Variants in CDKAL1 observed in about 807,000 individuals in gnomAD.
CDKAL1 encodes CDKAL1 threonylcarbamoyladenosine tRNA methylthiotransferase, also known as threonylcarbamoyladenosine tRNA methylthiotransferase.
CDKAL1 carries 32 observed loss-of-function variants against 68.2 expected under a neutral mutation model. The observed-to-expected ratio is 0.47, with a 90% CI of 0.35 to 0.63. The LOEUF (loss-of-function observed/expected upper bound fraction) is 0.63, where lower values mean the gene tolerates loss of function less well. CDKAL1 is among the 30% of genes least tolerant of loss of function. CDKAL1 has a pLI of 0.00. For missense variants in CDKAL1, 606 were observed against 696.7 expected, an observed-to-expected ratio of 0.87 and a Z score of 1.47; for synonymous variants, 234 against 244.3, an observed-to-expected ratio of 0.96 and a Z score of 0.39.
chr6:21,220,622 A>G (rs1170653760), intron 15 of CDKAL1, among the ~76,000 whole-genome samples: 1 of 152,208 alleles, frequency 6.6e-6, no homozygotes, highest in African/African-American at 2.4e-5. Context: ...ATTTTGGTAA[A>G]TGTAACAAGC....
chr6:21,113,383 A>G (rs1386067183), intron 13 of CDKAL1, among the ~76,000 whole-genome samples: 1 of 152,146 alleles, frequency 6.6e-6, no homozygotes, highest in Non-Finnish European at 1.5e-5. Flanking sequence ...ATGGTGGCTC[A>G]TGCCTATAAT....
chr6:20,733,659 A>G (rs1182737347), intron 5 of CDKAL1, among the ~76,000 whole-genome samples: 7 of 152,278 alleles, frequency 4.6e-5, no homozygotes, highest in South Asian at 2.1e-4. Context: ...GTTGAATGCA[A>G]TAAGGTTTTT....
intron 4 of CDKAL1, among the ~76,000 whole-genome samples, chr6:20,627,313 A>C (rs1031037337): frequency 2.6e-5 from 4 of 152,184 alleles, no homozygotes; most frequent in Non-Finnish European, 4.4e-5. Context: ...CCTTTAGAAA[A>C]GGGGAGAATT....
At chr6:20,579,614 G>A (rs554761016) in intron 4 of CDKAL1, among the ~76,000 whole-genome samples, 2 of 152,234 alleles carry the variant, frequency 1.3e-5, no homozygotes, top group Admixed American at 6.5e-5. Context: ...GATGTAATAC[G>A]AAGTTAAAGA....
intron 12 of CDKAL1, among the ~76,000 whole-genome samples, chr6:21,079,996 G>A (rs1337755420): frequency 1.3e-5 from 2 of 151,258 alleles, no homozygotes; most frequent in Non-Finnish European, 3.0e-5. Flanking sequence ...GTGTGTGTGT[G>A]TGTGTGTGTG....
At chr6:21,048,167 AC>A (rs1469896841) in intron 11 of CDKAL1, among the ~76,000 whole-genome samples, 1 of 152,196 alleles carries the variant, frequency 6.6e-6, no homozygotes, top group Non-Finnish European at 1.5e-5. Flanking sequence ...TGCAACTGTC[AC>A]AACTACATTC....
intron 13 of CDKAL1, among the ~76,000 whole-genome samples, chr6:21,149,924 C>G (rs1481166103): frequency 6.6e-6 from 1 of 152,140 alleles, no homozygotes; most frequent in Admixed American, 6.5e-5. Context: ...GTGGCGCTGT[C>G]TCGGCTCAGT....
chr6:20,840,340 A>G (rs1162042810), intron 8 of CDKAL1, among the ~76,000 whole-genome samples: 1 of 152,232 alleles, frequency 6.6e-6, no homozygotes, highest in Non-Finnish European at 1.5e-5. Context: ...GGTGATAAGT[A>G]TAATTCTTTC....
chr6:20,866,827 C>G (rs918884773), intron 9 of CDKAL1, among the ~76,000 whole-genome samples: 1 of 152,180 alleles, frequency 6.6e-6, no homozygotes, highest in African/African-American at 2.4e-5. Context: ...ATTCCTGAAG[C>G]AGCGAGGGAT....
chr6:20,929,265 A>G (rs1028547916), intron 9 of CDKAL1, among the ~76,000 whole-genome samples: 21 of 152,198 alleles, frequency 1.4e-4, no homozygotes, highest in African/African-American at 5.1e-4. Context: ...TTGTCAGCTC[A>G]GTTTTTTTGG....
intron 10 of CDKAL1, among the ~76,000 whole-genome samples, chr6:20,969,036 G>A (rs56247251): frequency 0.093 from 14,093 of 152,030 alleles, 1,101 homozygotes; most frequent in African/African-American, 0.22. Context: ...ATAATATAAC[G>A]TGGCAGCTCT....
At chr6:21,070,518 C>T (rs1771719158) in intron 12 of CDKAL1, among the ~76,000 whole-genome samples, 1 of 151,612 alleles carries the variant, frequency 6.6e-6, no homozygotes, top group African/African-American at 2.4e-5. Flanking sequence ...CCCTGCTCTA[C>T]CTTAGCCTCT....
At chr6:21,196,953 T>C (rs1266142814) in intron 13 of CDKAL1, among the ~76,000 whole-genome samples, 13 of 151,778 alleles carry the variant, frequency 8.6e-5, no homozygotes, top group Non-Finnish European at 1.9e-4. Flanking sequence ...AGGTCAGGAG[T>C]TCGAGACCAG....
intron 9 of CDKAL1, among the ~76,000 whole-genome samples, chr6:20,853,679 A>G (rs2150509341): frequency 6.6e-6 from 1 of 152,350 alleles, no homozygotes. Flanking sequence ...CATAACCCTA[A>G]CAATTACATC....
intron 9 of CDKAL1, among the ~76,000 whole-genome samples, chr6:20,922,234 A>G (rs1762990266): frequency 6.6e-6 from 1 of 152,238 alleles, no homozygotes; most frequent in African/African-American, 2.4e-5. Context: ...GGTCTACTGC[A>G]CTTCCATAAT....
At chr6:20,581,003 G>A (rs543977886) in intron 4 of CDKAL1, among the ~76,000 whole-genome samples, 68 of 152,226 alleles carry the variant, frequency 4.5e-4, no homozygotes, top group African/African-American at 1.5e-3. Context: ...TGGTCAGGCT[G>A]GTTTCGAACT....
intron 11 of CDKAL1, among the ~76,000 whole-genome samples, chr6:21,049,901 A>T (rs1770450217): frequency 6.6e-6 from 1 of 151,528 alleles, no homozygotes; most frequent in South Asian, 2.1e-4. Context: ...AGTTTTTACC[A>T]CAAGTATTTA....
At position 21,038,854 on chromosome 6, in the gene CDKAL1, A is replaced by G. The variant is rs184802121; in HGVS notation, c.1056-26194A>G. Among the ~76,000 whole-genome samples, 3 of 152,310 alleles carry G rather than the reference A, an allele frequency of 2.0e-5. No homozygotes were observed. In the East Asian group the frequency reaches 5.8e-4, roughly 29 times the overall value. On this transcript the variant is annotated intron_variant, in intron 11 of 15. Transcript: ENST00000274695. ...GCTTTTTTCAGTTGTCCATTTATTTAATTTTTACTTTTCTCATCTATGAAT... is the reference window on the plus strand; with the variant it reads ...GCTTTTTTCAGTTGTCCATTTATTTGATTTTTACTTTTCTCATCTATGAAT...
At chr6:20,951,409 A>C (rs1251532531) in intron 9 of CDKAL1, among the ~76,000 whole-genome samples, 3 of 152,160 alleles carry the variant, frequency 2.0e-5, no homozygotes, top group African/African-American at 7.2e-5. Context: ...TATTGAGGAT[A>C]TTATCCTTCT....
Sources: allele counts gnomAD v4.1 joint callset (sites outside exome capture counted in the v4.1 genomes callset), GRCh38; gene constraint gnomAD v4.1.1; transcripts MANE v1.5; gene names NCBI Gene and HGNC (gene_info 2026-07-23, HGNC 2026-07-21).